Variants in FREM3 observed in about 807,000 individuals in gnomAD.
FREM3 encodes FRAS1 related extracellular matrix 3.
Under a neutral mutation model 129.1 loss-of-function variants are expected in FREM3, and 105 were observed. That is an observed-to-expected ratio of 0.81 (90% CI 0.69 to 0.96). The LOEUF (loss-of-function observed/expected upper bound fraction) is 0.96. Among genes scored for constraint, FREM3 ranks in the 40% least tolerant of loss-of-function variants. The probability of loss-of-function intolerance (pLI) is 0.00; values close to 1 mark genes in which losing one functional copy is unlikely to be tolerated. For missense variants in FREM3, 2,593 were observed against 2,666.3 expected (o/e 0.97, Z 0.61); for synonymous variants, 1,014 against 1,044.9 (o/e 0.97, Z 0.57).
At position 143,697,627 on chromosome 4, in the gene FREM3, C is replaced by T. The variant is rs1467747111; in HGVS notation, c.3049G>A (p.Val1017Ile). 6.5e-7 allele frequency: 1 copy of T among 1,537,788 alleles called. No homozygotes were observed. Among genetic ancestry groups the T allele is most frequent in the Non-Finnish European group, 8.7e-7 (1 of 1,147,030 alleles). Residue 1017 changes from valine to isoleucine, a missense_variant, in exon 1 of 8, where the codon GTA becomes ATA. Physicochemically the swap from Val to Ile is conservative, Grantham distance 29. Around this residue, in one of 2 missense-constraint regions of FREM3, gnomAD observed 2,276 missense variants for 2,267.2 expected, o/e 1.00. Coordinates refer to ENST00000329798, the MANE Select transcript of FREM3 (RefSeq NM_001168235.2). Reference sequence around the variant, plus strand: ...TCACCTGCAGTGTGGGCATAGGCTACTCTCCCATTGATGAGATCCTCTTGG... The same window carrying T: ...TCACCTGCAGTGTGGGCATAGGCTATTCTCCCATTGATGAGATCCTCTTGG... ...FTQEDLINGR[V>I]AYAHTAGEVG...
intron 2 of FREM3, among the ~76,000 whole-genome samples, chr4:143,657,279 A>G (rs1233229753): frequency 6.6e-6 from 1 of 152,222 alleles, no homozygotes; most frequent in Non-Finnish European, 1.5e-5. Context: ...TTCTCCATAA[A>G]GTAGGTTAAT....
rs535705065 is a variant in FREM3, at chr4:143,583,300, C to T, written c.6178+2544G>A. 9.0e-4 allele frequency among the ~76,000 whole-genome samples: 137 copies of T among 152,246 alleles called. No homozygotes were observed. In the South Asian group the frequency reaches 0.024, roughly 27 times the overall value. ...GAATGTGCAAAACTTCTTAGAAATA[C>T]GGGATTCTGTAAAGAGACCAAATCT... On this transcript the variant is annotated intron_variant, in intron 7 of 7. Transcript: ENST00000329798.
intron 2 of FREM3, among the ~76,000 whole-genome samples, chr4:143,659,481 T>C (rs575270834): frequency 6.6e-6 from 1 of 152,322 alleles, no homozygotes; most frequent in East Asian, 1.9e-4. Flanking sequence ...CAGTCTGTCA[T>C]TGTTGGACAT....
chr4:143,634,582 G>A (rs1244825586), intron 2 of FREM3, among the ~76,000 whole-genome samples: 3 of 152,080 alleles, frequency 2.0e-5, no homozygotes, highest in South Asian at 2.1e-4. Flanking sequence ...ATGGAGGAAA[G>A]GGCTTCGTCT....
In FREM3 at chr4:143,693,108, C is replaced by G. The variant is rs767372064; in HGVS notation, c.5275+5G>C. ...AATCCTTTTGAAGGGTTTATTATGA[C>G]TTACCATTGTCTTCAACAGAGAAAT... On this transcript the variant is annotated splice_donor_5th_base_variant and intron_variant, in intron 2 of 7. Transcript: ENST00000329798. 7.0e-7 allele frequency: 1 copy of G among 1,432,158 alleles called. No individual in the cohort carries two copies. The highest frequency in any genetic ancestry group is 9.3e-7 in the Non-Finnish European group (1 of 1,070,166). The allele number at this position is 1,432,158 out of a possible 1,614,324, so 88.7% of individuals were successfully genotyped here.
chr4:143,693,672 C>T (rs954859617), intron 1 of FREM3, among the ~76,000 whole-genome samples: 13 of 152,128 alleles, frequency 8.5e-5, no homozygotes, highest in Admixed American at 2.6e-4. Context: ...GCACTACTCA[C>T]GATAGCAAAG....
At position 143,698,981 on chromosome 4, in the gene FREM3, A is replaced by G. The variant is rs144048977; in HGVS notation, c.1695T>C (p.Phe565=). Residue 565 remains phenylalanine, a synonymous_variant, in exon 1 of 8, where the codon TTT becomes TTC. Coordinates refer to ENST00000329798, the MANE Select transcript of FREM3 (RefSeq NM_001168235.2). The part of the protein sequence containing the change: ...TEGQVVQISP[F]VLSATDIDSE... ...AGTCAATATCAGTAGCACTCAGTAC[A>G]AAGGGAGAGATCTGGACCACCTGCC... 4.6e-3 allele frequency: 7,123 copies of G among 1,537,270 alleles called. 26 individuals are homozygous for G. Among genetic ancestry groups the G allele is most frequent in the Non-Finnish European group, 5.6e-3 (6,407 of 1,146,910 alleles).
At chr4:143,580,839 C>A (rs184847733) in intron 7 of FREM3, among the ~76,000 whole-genome samples, 26 of 152,332 alleles carry the variant, frequency 1.7e-4, no homozygotes, top group Non-Finnish European at 2.9e-4. Flanking sequence ...TAATGTAACC[C>A]CCAGCACAGC....
chr4:143,671,644 A>G (rs929662525), intron 2 of FREM3, among the ~76,000 whole-genome samples: 1 of 152,154 alleles, frequency 6.6e-6, no homozygotes, highest in African/African-American at 2.4e-5. Flanking sequence ...GAGTATGGTG[A>G]AAACCACAGG....
chr4:143,578,923 G>A (rs1411628973), intron 7 of FREM3, among the ~76,000 whole-genome samples: 1 of 152,126 alleles, frequency 6.6e-6, no homozygotes, highest in Non-Finnish European at 1.5e-5. Flanking sequence ...ATTTGAATGA[G>A]GTCTGAGTAG....
rs144270941 is a variant in FREM3, at chr4:143,623,554, C to T, written c.5653+554G>A. On this transcript the variant is annotated intron_variant, in intron 4 of 7. Coordinates refer to ENST00000329798, the MANE Select transcript of FREM3 (RefSeq NM_001168235.2). ...TACTTCCAAAAAAAGGGGCAGCAAG[C>T]AGCATGATTACTGCTTAGATTTTTT... Among the ~76,000 whole-genome samples the T allele has an allele frequency of 5.0e-4, 67 of 134,808 alleles. No individual in the cohort carries two copies. The East Asian group carries it at 0.015, about 31-fold the overall frequency. The allele number at this position is 134,808 out of a possible 152,430, so 88.4% of individuals were successfully genotyped here.
intron 2 of FREM3, among the ~76,000 whole-genome samples, chr4:143,628,816 C>A (rs2149843345): frequency 6.6e-6 from 1 of 152,282 alleles, no homozygotes; most frequent in Middle Eastern, 3.4e-3. Flanking sequence ...AGCTTGACAT[C>A]TCCTTCTATA....
rs1218582377 is a variant in FREM3, at chr4:143,699,119, G to C, written c.1557C>G (p.Phe519Leu). 3.3e-6 allele frequency: 5 copies of C among 1,537,450 alleles called. No homozygotes were observed. In the South Asian group the frequency reaches 5.9e-5, roughly 18 times the overall value. The stretch of plus-strand genomic sequence containing the variant: ...CTTGGTGGTGCCCGTCCTCCATCCG[G>C]AAGATGATATTGTCACTGTAGGTGT... Reference protein sequence around the residue: ...GSNTYSDNIIFRMEDGHHQVD... With the variant: ...GSNTYSDNIILRMEDGHHQVD... Residue 519 changes from phenylalanine (F) to leucine (L), a missense_variant, in exon 1 of 8, where the codon TTC becomes TTG. Phe to Leu is a conservative substitution (Grantham distance 22). Coordinates refer to ENST00000329798, the MANE Select transcript of FREM3 (RefSeq NM_001168235.2). The surrounding 1 kb of genome is among the most constrained non-coding windows in gnomAD (Gnocchi z 4.2).
chr4:143,603,519 C>A (rs965339), intron 6 of FREM3, among the ~76,000 whole-genome samples: 66,000 of 151,908 alleles, frequency 0.43, 14,592 homozygotes, highest in African/African-American at 0.48. Flanking sequence ...ATAGTTGATC[C>A]ATTTAATACA....
intron 2 of FREM3, among the ~76,000 whole-genome samples, chr4:143,670,104 C>G (rs1739940062): frequency 6.6e-6 from 1 of 150,396 alleles, no homozygotes; most frequent in African/African-American, 2.5e-5. Flanking sequence ...TAACCATTCA[C>G]TCAATCTCAT....
chr4:143,645,446 T>C (rs1461849664), intron 2 of FREM3, among the ~76,000 whole-genome samples: 2 of 152,192 alleles, frequency 1.3e-5, no homozygotes, highest in Non-Finnish European at 1.5e-5. Context: ...CGATTAACAT[T>C]TATAATTCGT....
intron 5 of FREM3, among the ~76,000 whole-genome samples, chr4:143,613,428 G>C (rs1254048540): frequency 6.6e-6 from 1 of 152,138 alleles, no homozygotes; most frequent in Non-Finnish European, 1.5e-5. Flanking sequence ...AGTCAACCAG[G>C]ATAGGCTGGC....
chr4:143,656,670 G>A (rs946566091), intron 2 of FREM3, among the ~76,000 whole-genome samples: 1 of 152,042 alleles, frequency 6.6e-6, no homozygotes, highest in Non-Finnish European at 1.5e-5. Context: ...GAGGGGTGGC[G>A]GAAATGGAAA....
chr4:143,589,595 T>G (rs1738316865), intron 6 of FREM3, among the ~76,000 whole-genome samples: 1 of 152,214 alleles, frequency 6.6e-6, no homozygotes, highest in Non-Finnish European at 1.5e-5. Context: ...GTTCCATTGG[T>G]CTATATCTCT....
Sources: allele counts gnomAD v4.1 joint callset (sites outside exome capture counted in the v4.1 genomes callset), GRCh38; gene constraint gnomAD v4.1.1; regional missense constraint gnomAD v4.1.1; non-coding constraint Gnocchi (gnomAD v3.1); transcripts MANE v1.5; gene names NCBI Gene and HGNC (gene_info 2026-07-23, HGNC 2026-07-21).